The following SORCS1 variants were observed in gnomAD, a reference collection of about 807,000 sequenced individuals.
SORCS1 encodes VPS10 domain-containing receptor SorCS1.
In SORCS1, 60 loss-of-function variants were observed where a neutral mutation model predicts 146.1. The observed-to-expected ratio is 0.41, with a 90% CI of 0.33 to 0.51. The LOEUF (loss-of-function observed/expected upper bound fraction) is 0.51, where lower values mean the gene tolerates loss of function less well. Ranked by LOEUF, SORCS1 falls within the 20% of genes least tolerant of loss-of-function variation. The pLI, the probability that SORCS1 is intolerant of heterozygous loss-of-function variation, is 0.21. For synonymous variants in SORCS1, 637 were observed against 584.0 expected (o/e 1.09, Z -1.31); for missense variants, 1,352 against 1,487.6 (o/e 0.91, Z 1.50).
At chr10:107,022,480 T>C (rs983056521) in intron 1 of SORCS1, among the ~76,000 whole-genome samples, 3 of 152,068 alleles carry the variant, frequency 2.0e-5, no homozygotes, top group Admixed American at 6.6e-5. Context: ...CTAGGTCCCA[T>C]ATGCTTGGCA....
At position 106,949,626 on chromosome 10, in the gene SORCS1, T is replaced by C. The variant is rs569849482; in HGVS notation, c.626+6887A>G. Among the ~76,000 whole-genome samples the C allele has an allele frequency of 5.3e-5, 8 of 152,306 alleles. No homozygotes were observed. The South Asian group carries it at 1.4e-3, about 28-fold the overall frequency. ...AAAATGGGACAGGGCTGGCTACCAA[T>C]ACAGAATCACATCAAAAGCCTAACA... On this transcript the variant is annotated intron_variant, in intron 2 of 25. Coordinates refer to ENST00000263054, the MANE Select transcript of SORCS1 (RefSeq NM_052918.5).
At chr10:106,776,864 C>T (rs111558920) in intron 3 of SORCS1, among the ~76,000 whole-genome samples, 172 bp from the exon 4 acceptor site, 1 of 152,266 alleles carries the variant, frequency 6.6e-6, no homozygotes, top group African/African-American at 2.4e-5. Flanking sequence ...TGGATCAATG[C>T]TACAGAAATA....
chr10:107,157,140 C>T (rs1969346205), intron 1 of SORCS1, among the ~76,000 whole-genome samples: 1 of 152,184 alleles, frequency 6.6e-6, no homozygotes, highest in African/African-American at 2.4e-5. Context: ...GCATGGGCTT[C>T]AGACAAACTA....
intron 1 of SORCS1, among the ~76,000 whole-genome samples, chr10:107,048,244 A>C (rs1178244442): frequency 6.6e-6 from 1 of 152,214 alleles, no homozygotes; most frequent in Admixed American, 6.5e-5. Context: ...ATCAGACTGA[A>C]AGTAAGTGCA....
At chr10:106,828,216 T>G (rs1473996895) in intron 3 of SORCS1, among the ~76,000 whole-genome samples, 1 of 152,190 alleles carries the variant, frequency 6.6e-6, no homozygotes, top group East Asian at 1.9e-4. Flanking sequence ...TCTCTCTTCT[T>G]CTTACTCCAG....
At chr10:107,087,684 T>G (rs1963862863) in intron 1 of SORCS1, among the ~76,000 whole-genome samples, 1 of 152,202 alleles carries the variant, frequency 6.6e-6, no homozygotes, top group African/African-American at 2.4e-5. Context: ...TTCTAGAACC[T>G]TATATAGGGA....
At chr10:107,171,673 G>A in the SORCS1 span, among the ~76,000 whole-genome samples, 2 of 151,896 alleles carry the variant, frequency 1.3e-5, no homozygotes, top group African/African-American at 2.4e-5. Context: ...TTGCCACCAT[G>A]CCTGGCTAAT....
At chr10:106,712,377 T>G (rs1203205950) in intron 6 of SORCS1, among the ~76,000 whole-genome samples, 1 of 152,184 alleles carries the variant, frequency 6.6e-6, no homozygotes, top group Admixed American at 6.5e-5. Context: ...TTAAGTTCCT[T>G]GATGATACCT....
chr10:106,791,515 C>T (rs1471081028), intron 3 of SORCS1, among the ~76,000 whole-genome samples: 2 of 152,076 alleles, frequency 1.3e-5, no homozygotes, highest in East Asian at 3.9e-4. Flanking sequence ...ACCTGGCCAA[C>T]ACTGTGAAAC....
At chr10:107,172,385 A>G in the SORCS1 span, among the ~76,000 whole-genome samples, 1 of 152,212 alleles carries the variant, frequency 6.6e-6, no homozygotes. Flanking sequence ...ATTTATCCAC[A>G]GACTTTTAAA....
At chr10:106,637,267 C>A (rs1327643527) in intron 18 of SORCS1, among the ~76,000 whole-genome samples, 3 of 152,226 alleles carry the variant, frequency 2.0e-5, no homozygotes, top group Non-Finnish European at 2.9e-5. Flanking sequence ...TCTCTGGCTT[C>A]TCTTCCAAGA....
chr10:106,866,032 C>CA lies in SORCS1; in HGVS notation c.627-36360dup, dbSNP rs60499735. Reference sequence around the variant, plus strand: ...TGGGTGACAGAATGAGATTCCGTCTCAAAAAAAAAAAAAAAAGTCGCCAGA... The same window carrying CA: ...TGGGTGACAGAATGAGATTCCGTCTCAAAAAAAAAAAAAAAAAGTCGCCAGA... On this transcript the variant is annotated intron_variant, in intron 2 of 25. Transcript: ENST00000263054. 4.5e-3 allele frequency among the ~76,000 whole-genome samples: 429 copies of CA among 95,084 alleles called. 1 individual carries two copies. Among genetic ancestry groups the CA allele is most frequent in the African/African-American group, 0.011 (301 of 27,276 alleles). The allele number at this position is 95,084 out of a possible 152,430, so 62.4% of individuals were successfully genotyped here.
chr10:107,007,390 C>T (rs574196602), intron 1 of SORCS1, among the ~76,000 whole-genome samples: 1 of 152,306 alleles, frequency 6.6e-6, no homozygotes, highest in Non-Finnish European at 1.5e-5. Context: ...AGCTGCCATG[C>T]TGTGAGGAAG....
At chr10:106,984,735 A>G (rs12572127) in intron 1 of SORCS1, among the ~76,000 whole-genome samples, 33,758 of 151,892 alleles carry the variant, frequency 0.22, 4,553 homozygotes, top group Middle Eastern at 0.33. Flanking sequence ...ACCACCATTC[A>G]TGTGGTAGTA....
chr10:107,175,101 A>G, the SORCS1 span, among the ~76,000 whole-genome samples: 1 of 152,362 alleles, frequency 6.6e-6, no homozygotes, highest in Middle Eastern at 3.4e-3. Context: ...TTCCTAGAAC[A>G]AACTCCACTT....
chr10:106,742,167 G>A (rs1208231573), intron 5 of SORCS1, among the ~76,000 whole-genome samples: 1 of 152,146 alleles, frequency 6.6e-6, no homozygotes, highest in Non-Finnish European at 1.5e-5. Flanking sequence ...GCAATTCCTG[G>A]GGTGCGAAAT....
intron 1 of SORCS1, among the ~76,000 whole-genome samples, chr10:107,089,496 T>C (rs939936814): frequency 7.2e-5 from 11 of 152,210 alleles, no homozygotes; most frequent in Non-Finnish European, 1.3e-4. Context: ...TCCATGTGCT[T>C]TAATATCATC....
At chr10:106,767,650 G>T in intron 4 of SORCS1, among the ~76,000 whole-genome samples, 1 of 152,008 alleles carries the variant, frequency 6.6e-6, no homozygotes, top group Non-Finnish European at 1.5e-5. Context: ...CACCACGCCC[G>T]GCTAATTTTT....
intron 5 of SORCS1, among the ~76,000 whole-genome samples, chr10:106,752,659 T>G (rs940145548): frequency 6.6e-6 from 1 of 152,124 alleles, no homozygotes; most frequent in Non-Finnish European, 1.5e-5. Flanking sequence ...AAATATTTGA[T>G]TGGGGAGACA....
Sources: gnomAD v4.1 joint callset for allele counts (sites outside exome capture counted in the v4.1 genomes callset) on GRCh38, gnomAD v4.1.1 for gene constraint, MANE v1.5 for transcripts, NCBI Gene and HGNC (gene_info 2026-07-23, HGNC 2026-07-21) for gene names.